CEMIP: variants seen among roughly 807,000 people sequenced by gnomAD.
CEMIP encodes the protein cell migration inducing hyaluronidase 1.
Under a neutral mutation model 156.9 loss-of-function variants are expected in CEMIP, and 105 were observed. That is an observed-to-expected ratio of 0.67 (90% confidence interval 0.57 to 0.79). The LOEUF is 0.79. CEMIP is among the 30% of genes least tolerant of loss of function. The pLI, the probability that CEMIP is intolerant of heterozygous loss-of-function variation, is 0.00. For synonymous variants in CEMIP, 676 were observed against 668.4 expected (o/e 1.01, Z -0.17); for missense variants, 1,457 against 1,769.4 (o/e 0.82, Z 3.17).
chr15:80,903,644 C>G (rs183123516), intron 12 of CEMIP, among the ~76,000 whole-genome samples: 17 of 152,270 alleles, frequency 1.1e-4, no homozygotes, highest in African/African-American at 3.4e-4. Context: ...TCTTTGCCAT[C>G]CCCTGCCTGG....
chr15:80,863,397 T>C (rs1251000346), intron 1 of CEMIP, among the ~76,000 whole-genome samples: 11 of 152,132 alleles, frequency 7.2e-5, no homozygotes, highest in Admixed American at 5.2e-4. Context: ...GCTACTGAAC[T>C]AAGGTCTGTT....
intron 25 of CEMIP, 74 bp from the exon 26 acceptor site, chr15:80,941,775 G>T: frequency 7.3e-7 from 1 of 1,376,782 alleles, no homozygotes; most frequent in Non-Finnish European, 1.0e-6. Flanking sequence ...CAGAGTAAAT[G>T]TCTCGGTGGG....
At chr15:80,900,609 T>TG (rs1899454249) in intron 12 of CEMIP, among the ~76,000 whole-genome samples, 1 of 136,206 alleles carries the variant, frequency 7.3e-6, no homozygotes. Context: ...TGTGTGTGTG[T>TG]GTGTGTGTGT....
chr15:80,858,151 G>A (rs538440599), intron 1 of CEMIP, among the ~76,000 whole-genome samples: 118 of 152,272 alleles, frequency 7.7e-4, no homozygotes, highest in African/African-American at 2.7e-3. Context: ...AATGTGCCAC[G>A]ATTCATGCTG....
At chr15:80,948,589 C>T (rs1411448421) in intron 29 of CEMIP, 1 of 659,062 alleles carries the variant, frequency 1.5e-6, no homozygotes, top group Non-Finnish European at 2.7e-6. Context: ...GGCAGTGAGG[C>T]TCAGGTGAGA....
At chr15:80,870,152 T>C (rs1235656231) in intron 1 of CEMIP, among the ~76,000 whole-genome samples, 1 of 152,166 alleles carries the variant, frequency 6.6e-6, no homozygotes, top group African/African-American at 2.4e-5. Flanking sequence ...CTGGAGCCCA[T>C]GCTCCTGGCT....
At chr15:80,814,455 G>T (rs903940040) in intron 1 of CEMIP, among the ~76,000 whole-genome samples, 7 of 152,130 alleles carry the variant, frequency 4.6e-5, no homozygotes, top group African/African-American at 1.7e-4. Flanking sequence ...CAGCACATTG[G>T]TCATTGCTTT....
At chr15:80,890,396 T>C (rs1898995275) in intron 10 of CEMIP, among the ~76,000 whole-genome samples, 1 of 147,372 alleles carries the variant, frequency 6.8e-6, no homozygotes, top group African/African-American at 2.5e-5. Context: ...CTGGCCAGTA[T>C]GGTGAAACCC....
chr15:80,846,952 G>A (rs979576814), intron 1 of CEMIP, among the ~76,000 whole-genome samples: 2 of 152,216 alleles, frequency 1.3e-5, no homozygotes, highest in African/African-American at 2.4e-5. Context: ...TTCCATCCCA[G>A]AATGTTCAGA....
At chr15:80,827,251 C>T (rs1897057307) in intron 1 of CEMIP, among the ~76,000 whole-genome samples, 2 of 152,140 alleles carry the variant, frequency 1.3e-5, no homozygotes, top group South Asian at 4.1e-4. Flanking sequence ...GAGAAAATAC[C>T]ACTCTGTCCC....
At chr15:80,944,247 TC>T (rs1449434150) in intron 28 of CEMIP, among the ~76,000 whole-genome samples, 2 of 152,090 alleles carry the variant, frequency 1.3e-5, no homozygotes, top group African/African-American at 4.8e-5. Flanking sequence ...GCAGCTGCAC[TC>T]CAGCCTGGGT....
At chr15:80,855,163 T>C (rs1897820420) in intron 1 of CEMIP, among the ~76,000 whole-genome samples, 1 of 152,176 alleles carries the variant, frequency 6.6e-6, no homozygotes, top group Non-Finnish European at 1.5e-5. Flanking sequence ...CTGAAGCTCT[T>C]TGAGACAGAG....
chr15:80,948,990 G>C lies in CEMIP; in HGVS notation c.*66G>C, dbSNP rs1901694895. ...CGGTGACTCTTGGCAGCAGACCAGT[G>C]GGGGATGGCTGGGTCCCCCAGCCCC... On this transcript the variant is annotated 3_prime_UTR_variant, in exon 30 of 30. Coordinates refer to ENST00000394685, the MANE Select transcript of CEMIP (RefSeq NM_001293298.2). 11 of 1,605,498 alleles carry C rather than the reference G, an allele frequency of 6.9e-6. No individual in the cohort carries two copies. Among genetic ancestry groups the C allele is most frequent in the African/African-American group, 4.0e-5 (3 of 74,746 alleles).
At chr15:80,945,214 T>C (rs1255663281) in intron 28 of CEMIP, among the ~76,000 whole-genome samples, 1 of 152,186 alleles carries the variant, frequency 6.6e-6, no homozygotes, top group African/African-American at 2.4e-5. Flanking sequence ...CATGGGCTTA[T>C]AGGCCATGAG....
intron 1 of CEMIP, among the ~76,000 whole-genome samples, chr15:80,870,062 C>T (rs938696786): frequency 7.2e-5 from 11 of 152,168 alleles, no homozygotes; most frequent in Admixed American, 2.6e-4. Context: ...TGCATCATCC[C>T]AGCGTTACAG....
At chr15:80,844,736 C>T (rs975539957) in intron 1 of CEMIP, among the ~76,000 whole-genome samples, 1 of 152,224 alleles carries the variant, frequency 6.6e-6, no homozygotes, top group Admixed American at 6.5e-5. Context: ...ATGAGGCAGC[C>T]ATGCCCAGAT....
At chr15:80,785,006 T>C (rs1439535736) in intron 1 of CEMIP, among the ~76,000 whole-genome samples, 5 of 152,246 alleles carry the variant, frequency 3.3e-5, no homozygotes, top group Non-Finnish European at 7.3e-5. Context: ...AGATAATTAT[T>C]GTCGCTCCTA....
intron 1 of CEMIP, among the ~76,000 whole-genome samples, chr15:80,832,511 A>G (rs1029808050): frequency 6.6e-6 from 1 of 152,146 alleles, no homozygotes; most frequent in African/African-American, 2.4e-5. Flanking sequence ...AAATGAGTGC[A>G]TGTTGTGCAT....
chr15:80,784,755 G>A (rs1482795407), intron 1 of CEMIP, among the ~76,000 whole-genome samples: 1 of 152,146 alleles, frequency 6.6e-6, no homozygotes, highest in African/African-American at 2.4e-5. Context: ...GTTCTGATTT[G>A]GCAGATCTGA....
Sources: allele counts gnomAD v4.1 joint callset (sites outside exome capture counted in the v4.1 genomes callset), GRCh38; gene constraint gnomAD v4.1.1; transcripts MANE v1.5; gene names NCBI Gene and HGNC (gene_info 2026-07-23, HGNC 2026-07-21).